Variants in SLAMF9 observed in about 807,000 individuals in gnomAD.
The protein encoded by SLAMF9 is SLAM family member 9.
Under a neutral mutation model 30.4 loss-of-function variants are expected in SLAMF9, and 25 were observed. That is an observed-to-expected ratio of 0.82 (90% CI 0.60 to 1.15). The LOEUF (loss-of-function observed/expected upper bound fraction) is 1.15, where lower values mean the gene tolerates loss of function less well. Among genes scored for constraint, SLAMF9 ranks in the 50% most tolerant of loss-of-function variants. The pLI, the probability that SLAMF9 is intolerant of heterozygous loss-of-function variation, is 0.00. For synonymous variants in SLAMF9, 129 were observed against 127.2 expected (o/e 1.01, Z -0.09); for missense variants, 344 against 346.1 (o/e 0.99, Z 0.05).
At chr1:159,961,905 T>A in the SLAMF9 span, among the ~76,000 whole-genome samples, 2 of 151,858 alleles carry the variant, frequency 1.3e-5, no homozygotes, top group Non-Finnish European at 2.9e-5. Context: ...ATGCCTATAA[T>A]CCCAGCACTT....
chr1:159,958,388 G>A (rs1571232172), upstream of SLAMF9, among the ~76,000 whole-genome samples: 1 of 152,136 alleles, frequency 6.6e-6, no homozygotes, highest in Non-Finnish European at 1.5e-5. Flanking sequence ...ACCCCACTGA[G>A]CTCTCCGAGT....
At chr1:159,954,744 G>A (rs934873205), upstream of SLAMF9, among the ~76,000 whole-genome samples, 11 of 152,144 alleles carry the variant, frequency 7.2e-5, no homozygotes, top group African/African-American at 2.7e-4. Context: ...CCACCTGAGA[G>A]GCTATTCGCA....
the SLAMF9 span, among the ~76,000 whole-genome samples, chr1:159,964,317 A>G: frequency 1.3e-5 from 2 of 152,240 alleles, no homozygotes; most frequent in South Asian, 4.1e-4. Flanking sequence ...TAAAGCCATG[A>G]AACAACACTC....
At chr1:159,952,561 C>T (rs775129644) in intron 2 of SLAMF9, 27 bp from the exon 3 acceptor site, 20 of 1,607,222 alleles carry the variant, frequency 1.2e-5, no homozygotes, top group Non-Finnish European at 1.7e-5. Context: ...CACAAAGACC[C>T]TCTAAACAAT....
the SLAMF9 span, chr1:159,980,648 T>A: frequency 6.6e-6 from 1 of 152,362 alleles, no homozygotes; most frequent in Non-Finnish European, 1.5e-5. Flanking sequence ...TTCAAGTGAT[T>A]CTCCTGCCTC....
At position 159,951,518 on chromosome 1, in the gene SLAMF9, G is replaced by T; in HGVS notation, c.*143C>A. Reference sequence around the variant, plus strand: ...TGTGGTCACTTAATTTGACTTTATTGCCAGCCAGTCTTCCCTCAGAAGTAT... The same window carrying T: ...TGTGGTCACTTAATTTGACTTTATTTCCAGCCAGTCTTCCCTCAGAAGTAT... On this transcript the variant is annotated 3_prime_UTR_variant, in exon 4 of 4. Transcript: ENST00000368093. 1.4e-6 allele frequency: 1 copy of T among 715,300 alleles called. No individual in the cohort carries two copies. Among genetic ancestry groups the T allele is most frequent in the Non-Finnish European group, 2.3e-6 (1 of 435,614 alleles). 44.3% of individuals were successfully genotyped at this position (715,300 alleles called of 1,614,324 possible).
chr1:159,963,568 C>T, the SLAMF9 span, among the ~76,000 whole-genome samples: 1 of 152,190 alleles, frequency 6.6e-6, no homozygotes, highest in African/African-American at 2.4e-5. Flanking sequence ...TCAGGCTTCA[C>T]ACATCTCAGA....
the SLAMF9 span, among the ~76,000 whole-genome samples, chr1:159,972,207 G>A: frequency 1.3e-5 from 2 of 152,194 alleles, no homozygotes; most frequent in South Asian, 4.1e-4. Flanking sequence ...CTCTAGCTCT[G>A]GCCCCCGCCT....
the SLAMF9 span, chr1:159,965,714 G>A: frequency 1.3e-5 from 2 of 152,120 alleles, no homozygotes; most frequent in Admixed American, 6.5e-5. Context: ...GATCCACTAT[G>A]TATTGTCTTA....
chr1:159,973,792 A>G, the SLAMF9 span: 3 of 1,613,452 alleles, frequency 1.9e-6, no homozygotes, highest in Non-Finnish European at 2.5e-6. Context: ...CAAGCTGGTG[A>G]CTTACCTTGG....
In SLAMF9 at chr1:159,952,480, G is replaced by T; in HGVS notation, c.446C>A (p.Ala149Asp). ...AGAGCACACCAGGGACATACTGCAG[G>T]CACCTTCCCCAGAACTCTCAAAGTT... ...TVNFESSGEG[A>D]CSMSLVCSVE... The change falls in exon 3 of 4, where the codon GCC becomes GAC. Residue 149 changes from alanine (A) to aspartate (D), a missense_variant. Ala to Asp is a moderately radical substitution (Grantham distance 126, BLOSUM62 -2). Coordinates refer to ENST00000368093, the MANE Select transcript of SLAMF9 (RefSeq NM_033438.4). 2 of 1,614,066 alleles carry T rather than the reference G, an allele frequency of 1.2e-6. No individual in the cohort carries two copies. Among genetic ancestry groups the T allele is most frequent in the Non-Finnish European group, 1.7e-6 (2 of 1,180,002 alleles).
chr1:159,960,446 G>T, the SLAMF9 span, among the ~76,000 whole-genome samples: 7 of 149,346 alleles, frequency 4.7e-5, no homozygotes, highest in South Asian at 1.5e-3. Flanking sequence ...CTGCTTCCAG[G>T]CTTTCTCTGA....
chr1:159,952,203 A>G, intron 3 of SLAMF9, 59 bp downstream of exon 3: 1 of 1,583,798 alleles, frequency 6.3e-7, no homozygotes, highest in Non-Finnish European at 8.6e-7. Flanking sequence ...GGGGAGGGAG[A>G]TGGTGCCTCT....
Position 159,953,540 on chromosome 1 carries a change from T to C in SLAMF9, c.160A>G (p.Ile54Val), listed in dbSNP as rs201668987. 6.2e-7 allele frequency: 1 copy of C among 1,614,234 alleles called. No homozygotes were observed. Among genetic ancestry groups the C allele is most frequent in the Non-Finnish European group, 8.5e-7 (1 of 1,180,040 alleles). ...IPPDEEVENIIWSSHKSLATV... is the reference protein window; with the variant it reads ...IPPDEEVENIVWSSHKSLATV... ...GCAAGACTTTTGTGAGAGGACCAGA[T>C]GATGTTCTCAACCTCTTCATCTGGT... The change falls in exon 2 of 4, where the codon ATC becomes GTC. Residue 54 changes from isoleucine (I) to valine (V), a missense_variant. By Grantham distance (29) the Ile-to-Val change is conservative. Transcript: ENST00000368093.
chr1:159,968,612 C>T, the SLAMF9 span, among the ~76,000 whole-genome samples: 2 of 152,162 alleles, frequency 1.3e-5, no homozygotes, highest in Non-Finnish European at 2.9e-5. Flanking sequence ...TGACCTTGAA[C>T]ATTGAAGGTG....
the SLAMF9 span, among the ~76,000 whole-genome samples, chr1:159,967,336 C>G: frequency 6.6e-6 from 1 of 152,204 alleles, no homozygotes. Context: ...TTTCATTCTT[C>G]TGAATGTGGA....
At chr1:159,973,744 C>G in the SLAMF9 span, 413 of 1,529,694 alleles carry the variant, frequency 2.7e-4, 7 homozygotes, top group South Asian at 4.5e-3. Flanking sequence ...TCTCTAGAGA[C>G]GGGACCCCTG....
At chr1:159,982,438 A>G in the SLAMF9 span, among the ~76,000 whole-genome samples, 2 of 152,006 alleles carry the variant, frequency 1.3e-5, no homozygotes, top group East Asian at 1.9e-4. Flanking sequence ...TCATACACAC[A>G]CACTTCTCCC....
the SLAMF9 span, among the ~76,000 whole-genome samples, chr1:159,979,851 GC>G: frequency 1.3e-5 from 2 of 152,300 alleles, no homozygotes; most frequent in Non-Finnish European, 2.9e-5. Context: ...AAGGGAGATA[GC>G]CCATCCTGTT....
Sources: allele counts gnomAD v4.1 joint callset (sites outside exome capture counted in the v4.1 genomes callset), GRCh38; gene constraint gnomAD v4.1.1; transcripts MANE v1.5; gene names NCBI Gene and HGNC (gene_info 2026-07-23, HGNC 2026-07-21).